The following RFFL variants were observed in gnomAD, a reference collection of about 807,000 sequenced individuals.
RFFL encodes the protein ring finger and FYVE like domain containing E3 ubiquitin protein ligase.
Under a neutral mutation model 40.4 loss-of-function variants are expected in RFFL, and 16 were observed. The ratio of observed to expected loss-of-function variants is 0.40; its 90% confidence interval spans 0.27 to 0.60. RFFL has a LOEUF of 0.60. RFFL is among the 20% of genes least tolerant of loss of function. The probability of loss-of-function intolerance (pLI) is 0.47; values close to 1 mark genes in which losing one functional copy is unlikely to be tolerated. For missense variants in RFFL, 367 were observed against 451.7 expected (o/e 0.81, Z 1.70); for synonymous variants, 154 against 167.9 (o/e 0.92, Z 0.64).
chr17:35,039,023 C>T (rs1054121812), intron 1 of RFFL, among the ~76,000 whole-genome samples: 26 of 152,058 alleles, frequency 1.7e-4, no homozygotes, highest in African/African-American at 6.0e-4. Context: ...ATCCTCCTGC[C>T]ACAGCATGCC....
intron 1 of RFFL, among the ~76,000 whole-genome samples, chr17:35,032,463 T>C (rs1315541788): frequency 6.6e-6 from 1 of 151,352 alleles, no homozygotes; most frequent in Non-Finnish European, 1.5e-5. Context: ...GAAAAGAGAG[T>C]CTAGGACAAA....
intron 3 of RFFL, among the ~76,000 whole-genome samples, chr17:35,018,043 TTTTG>T (rs1233377672): frequency 1.4e-4 from 21 of 152,226 alleles, no homozygotes; most frequent in Middle Eastern, 3.4e-3. Flanking sequence ...CTCCTGGGGT[TTTTG>T]TTTGTTTGTT....
chr17:35,041,614 C>T (rs192967217), intron 1 of RFFL, among the ~76,000 whole-genome samples: 2 of 146,416 alleles, frequency 1.4e-5, no homozygotes, highest in South Asian at 2.1e-4. Context: ...TTCTTCACAC[C>T]GAGCTGGTGT....
At chr17:35,025,914 C>T (rs34382552) in intron 2 of RFFL, among the ~76,000 whole-genome samples, 3,890 of 152,246 alleles carry the variant, frequency 0.026, 165 homozygotes, top group African/African-American at 0.087. Context: ...CTTAACGTTG[C>T]TTTTGATAAA....
chr17:35,023,121 T>C (rs2091019818), intron 2 of RFFL, among the ~76,000 whole-genome samples: 1 of 152,220 alleles, frequency 6.6e-6, no homozygotes, highest in Non-Finnish European at 1.5e-5. Context: ...CCCTCATTAA[T>C]CCTTTAAAGA....
intron 1 of RFFL, among the ~76,000 whole-genome samples, chr17:35,052,170 C>G (rs578242960): frequency 1.4e-3 from 217 of 152,264 alleles, no homozygotes; most frequent in Non-Finnish European, 2.0e-3. Flanking sequence ...AAATAAGATG[C>G]CTTTGACATC....
In RFFL at chr17:35,009,301, C is replaced by T. The variant is rs1166076938; in HGVS notation, c.*2667G>A. 1 of 152,388 alleles carries T rather than the reference C, an allele frequency of 6.6e-6. No homozygotes were observed. The highest frequency in any genetic ancestry group is 2.4e-5 in the African/African-American group (1 of 41,448). 9.4% of individuals were successfully genotyped at this position (152,388 alleles called of 1,614,324 possible). On this transcript the variant is annotated 3_prime_UTR_variant, in exon 7 of 7. Transcript: ENST00000394597. Reference sequence around the variant, plus strand: ...TGTATATTGAGCACTAGTTCCTGTACAGCTTATTCTTATTAGTTTGGATCC... The same window carrying T: ...TGTATATTGAGCACTAGTTCCTGTATAGCTTATTCTTATTAGTTTGGATCC...
At chr17:35,060,720 T>C (rs2091286398) in intron 1 of RFFL, among the ~76,000 whole-genome samples, 2 of 152,098 alleles carry the variant, frequency 1.3e-5, no homozygotes. Flanking sequence ...GTTCATCAAA[T>C]AGGAATGAAA....
chr17:35,016,693 G>T, intron 4 of RFFL, 113 bp from the exon 5 acceptor site: 1 of 756,352 alleles, frequency 1.3e-6, no homozygotes, highest in East Asian at 2.5e-5. Context: ...CCTCATGAAG[G>T]GTAGGAACAG....
intron 1 of RFFL, chr17:35,076,720 A>ATAATAG (rs1555564975): frequency 4.1e-5 from 6 of 146,714 alleles, no homozygotes; most frequent in Non-Finnish European, 9.0e-5. Flanking sequence ...AATAATAATA[A>ATAATAG]TAGTAACAGA....
chr17:35,036,456 GTGTCTAACTGC>G (rs571374870), intron 1 of RFFL: 7 of 152,296 alleles, frequency 4.6e-5, no homozygotes, highest in African/African-American at 1.7e-4. Context: ...CTCAAAAACA[GTGTCTAACTGC>G]TGTCCTACAG....
intron 1 of RFFL, among the ~76,000 whole-genome samples, chr17:35,028,882 C>T (rs1008284178): frequency 2.0e-5 from 3 of 151,998 alleles, no homozygotes; most frequent in Non-Finnish European, 2.9e-5. Context: ...TGATATAATT[C>T]GCTCCCTTGC....
At chr17:35,056,373 T>C (rs2091261311) in intron 1 of RFFL, among the ~76,000 whole-genome samples, 3 of 140,256 alleles carry the variant, frequency 2.1e-5, no homozygotes, top group Non-Finnish European at 4.5e-5. Context: ...ATTTTACTTC[T>C]ACTTTTTTTT....
chr17:35,051,417 T>C (rs1215737017), intron 1 of RFFL, among the ~76,000 whole-genome samples: 1 of 152,210 alleles, frequency 6.6e-6, no homozygotes, highest in Non-Finnish European at 1.5e-5. Context: ...TCCACCGCTG[T>C]ACCCTAGACC....
intron 1 of RFFL, among the ~76,000 whole-genome samples, chr17:35,050,926 C>G (rs1444907525): frequency 6.6e-6 from 1 of 151,912 alleles, no homozygotes. Context: ...GAGCCAAGAT[C>G]GTGCCATTGC....
intron 1 of RFFL, among the ~76,000 whole-genome samples, chr17:35,077,885 A>C (rs2091384901): frequency 6.6e-6 from 1 of 152,238 alleles, no homozygotes; most frequent in African/African-American, 2.4e-5. Context: ...GAAAGAGCAC[A>C]AATCCACAGT....
chr17:35,064,094 T>C (rs865893291), upstream of RFFL, among the ~76,000 whole-genome samples: 2 of 152,190 alleles, frequency 1.3e-5, no homozygotes, highest in African/African-American at 2.4e-5. Flanking sequence ...ATAAGTCACT[T>C]TGCATTTACA....
intron 1 of RFFL, among the ~76,000 whole-genome samples, chr17:35,046,788 C>A (rs2091202464): frequency 6.6e-6 from 1 of 152,186 alleles, no homozygotes; most frequent in Non-Finnish European, 1.5e-5. Context: ...TGGAGCTGTG[C>A]CAAAATATCA....
At chr17:35,066,871 CT>C (rs75349195), upstream of RFFL, among the ~76,000 whole-genome samples, 1,085 of 142,596 alleles carry the variant, frequency 7.6e-3, 5 homozygotes, top group Middle Eastern at 0.022. Context: ...ACCTCACAGC[CT>C]TTTTTTTTTT....
Sources: gnomAD v4.1 joint callset for allele counts (sites outside exome capture counted in the v4.1 genomes callset) on GRCh38, gnomAD v4.1.1 for gene constraint, MANE v1.5 for transcripts, NCBI Gene and HGNC (gene_info 2026-07-23, HGNC 2026-07-21) for gene names.